FBXO21: variants seen among roughly 807,000 people sequenced by gnomAD.
FBXO21 encodes F-box only protein 21.
A neutral mutation model predicts 76.6 loss-of-function variants in FBXO21; 32 were observed. The observed-to-expected ratio is 0.42, with a 90% CI of 0.32 to 0.56. The LOEUF (loss-of-function observed/expected upper bound fraction) is 0.56, where lower values mean the gene tolerates loss of function less well. FBXO21 is among the 20% of genes least tolerant of loss of function. The probability of loss-of-function intolerance (pLI) is 0.16; values close to 1 mark genes in which losing one functional copy is unlikely to be tolerated. For synonymous variants in FBXO21, 328 were observed against 311.5 expected, an observed-to-expected ratio of 1.05 and a Z score of -0.56; for missense variants, 586 against 797.3, an observed-to-expected ratio of 0.73 and a Z score of 3.19.
At chr12:117,151,108 T>TGTAC (rs1274495525) in intron 11 of FBXO21, among the ~76,000 whole-genome samples, 2 of 152,062 alleles carry the variant, frequency 1.3e-5, no homozygotes, top group African/African-American at 4.8e-5. Flanking sequence ...TGCCAAGCAT[T>TGTAC]GTACAGGTGC....
At chr12:117,176,904 A>T (rs1431637147) in intron 4 of FBXO21, among the ~76,000 whole-genome samples, 1 of 152,216 alleles carries the variant, frequency 6.6e-6, no homozygotes, top group East Asian at 1.9e-4. Context: ...GACCAGTCAT[A>T]TTTGTATTTC....
intron 11 of FBXO21, among the ~76,000 whole-genome samples, chr12:117,151,196 A>G (rs946170810): frequency 2.7e-4 from 41 of 152,112 alleles, no homozygotes; most frequent in African/African-American, 8.9e-4. Context: ...ACGGCGGCTG[A>G]CCTAGACTCG....
rs1400320784 is a variant in FBXO21 at position 117,144,239 on chromosome 12, T to C, written c.*1848A>G. The stretch of plus-strand genomic sequence containing the variant: ...CTCAGGTTCTTATTAATGCATCTCA[T>C]TCATATTAATTAATTCCGTATTATC... On this transcript the variant is annotated 3_prime_UTR_variant, in exon 12 of 12. Transcript: ENST00000622495. 2 of 152,220 alleles carry C rather than the reference T, an allele frequency of 1.3e-5. No homozygotes were observed. Among genetic ancestry groups the C allele is most frequent in the Admixed American group, 1.3e-4 (2 of 15,282 alleles). The allele number at this position is 152,220 out of a possible 1,614,324, so 9.4% of individuals were successfully genotyped here.
At chr12:117,183,825 A>C (rs999392790) in intron 3 of FBXO21, among the ~76,000 whole-genome samples, 7 of 152,186 alleles carry the variant, frequency 4.6e-5, no homozygotes, top group African/African-American at 1.7e-4. Flanking sequence ...ATCATTTAAA[A>C]ATTTCAGTTG....
At chr12:117,179,947 G>A (rs924973234) in intron 3 of FBXO21, among the ~76,000 whole-genome samples, 4 of 145,948 alleles carry the variant, frequency 2.7e-5, no homozygotes, top group Non-Finnish European at 6.1e-5. Context: ...TCCTTCAAAG[G>A]TGACCAATTA....
intron 9 of FBXO21, 53 bp from the exon 10 acceptor site, chr12:117,158,116 C>CT (rs750047743): frequency 6.1e-5 from 98 of 1,606,964 alleles, no homozygotes; most frequent in Non-Finnish European, 7.3e-5. Context: ...TAGGCCTTTT[C>CT]TTTTTTGCGG....
rs778761315 is a variant in FBXO21, at chr12:117,174,329, A to G, written c.752T>C (p.Met251Thr). ...GCTCTGGAGTTCTATTTCCATTATC[A>G]TGGATGATTCACCTGAAACACAGAG... ...SLAFKAGESS[M>T]IMEIELQSQV... is the part of the protein sequence containing the mutation. The change falls in exon 6 of 12, where the codon ATG (methionine) becomes ACG (threonine). Residue 251 changes from methionine (M) to threonine (T), a missense_variant. Met to Thr is a moderately conservative substitution (Grantham distance 81). Coordinates refer to ENST00000622495, the MANE Select transcript of FBXO21 (RefSeq NM_015002.3). 7 of 1,613,258 alleles carry G rather than the reference A, an allele frequency of 4.3e-6. No homozygotes were observed. In the South Asian group the frequency reaches 7.7e-5, roughly 18 times the overall value.
chr12:117,170,953 C>T (rs775863576), intron 7 of FBXO21, among the ~76,000 whole-genome samples: 1 of 152,128 alleles, frequency 6.6e-6, no homozygotes, highest in Admixed American at 6.5e-5. Context: ...TGGGTCCCCA[C>T]TATCCAAAAA....
At chr12:117,183,524 G>T (rs1430468575) in intron 3 of FBXO21, among the ~76,000 whole-genome samples, 1 of 152,212 alleles carries the variant, frequency 6.6e-6, no homozygotes, top group Non-Finnish European at 1.5e-5. Flanking sequence ...CTCCCAAAGT[G>T]CTGGGATTAC....
chr12:117,183,219 A>G (rs1352537855), intron 3 of FBXO21, among the ~76,000 whole-genome samples: 6 of 151,834 alleles, frequency 4.0e-5, no homozygotes, highest in Non-Finnish European at 7.4e-5. Context: ...TGGGAACCTG[A>G]TATGTAAAAT....
At chr12:117,189,484 G>T in intron 1 of FBXO21, 122 bp from the exon 2 acceptor site, 1 of 994,674 alleles carries the variant, frequency 1.0e-6, no homozygotes, top group Non-Finnish European at 1.5e-6. Context: ...ACCCCGGCGA[G>T]AGACCTAGTT....
At chr12:117,185,427 T>A (rs528224063) in intron 3 of FBXO21, among the ~76,000 whole-genome samples, 6 of 152,240 alleles carry the variant, frequency 3.9e-5, no homozygotes, top group Admixed American at 3.9e-4. Context: ...TTAAGGAAGA[T>A]GTTAAACTAA....
chr12:117,158,352 CT>C (rs995581709), intron 9 of FBXO21, among the ~76,000 whole-genome samples: 1 of 152,110 alleles, frequency 6.6e-6, no homozygotes, highest in African/African-American at 2.4e-5. Flanking sequence ...AACCAGTGTG[CT>C]GGGATAAGCG....
chr12:117,172,728 G>T, intron 6 of FBXO21, 121 bp from the exon 7 acceptor site: 1 of 1,032,130 alleles, frequency 9.7e-7, no homozygotes, highest in Non-Finnish European at 1.4e-6. Flanking sequence ...TGAGGCTTAA[G>T]TGAGTATTTC....
At chr12:117,186,187 A>G (rs1956282258) in intron 3 of FBXO21, among the ~76,000 whole-genome samples, 1 of 152,134 alleles carries the variant, frequency 6.6e-6, no homozygotes. Context: ...TATTACCAAA[A>G]GGTTTCTAAA....
intron 11 of FBXO21, among the ~76,000 whole-genome samples, chr12:117,148,129 A>G (rs2135842725): frequency 6.6e-6 from 1 of 151,182 alleles, no homozygotes; most frequent in Admixed American, 6.6e-5. Context: ...CTTTGGGGAG[A>G]GGGGGAAGGA....
rs1333533165 is a variant in FBXO21, at chr12:117,145,537, T to C, written c.*550A>G. 6.6e-6 allele frequency: 1 copy of C among 152,210 alleles called. No homozygotes were observed. Among genetic ancestry groups the C allele is most frequent in the Non-Finnish European group, 1.5e-5 (1 of 68,048 alleles). The allele number at this position is 152,210 out of a possible 1,614,324, so 9.4% of individuals were successfully genotyped here. On this transcript the variant is annotated 3_prime_UTR_variant, in exon 12 of 12. Coordinates refer to ENST00000622495, the MANE Select transcript of FBXO21 (RefSeq NM_015002.3). ...AAATTCAAATGATTCTAATTACCAT[T>C]AGCTTGTTAATGTCTCCATCTCTAA...
At chr12:117,167,175 T>C in intron 7 of FBXO21, 98 bp from the exon 8 acceptor site, 1 of 885,546 alleles carries the variant, frequency 1.1e-6, no homozygotes. Context: ...GTTGAGACCA[T>C]AACATTTCTA....
chr12:117,147,597 CAAA>C (rs57318190), intron 11 of FBXO21, among the ~76,000 whole-genome samples: 18,957 of 86,656 alleles, frequency 0.22, 1,448 homozygotes, highest in East Asian at 0.45. Context: ...GACTCCATCT[CAAA>C]AAAAAAAAAA....
Sources: gnomAD v4.1 joint callset for allele counts (sites outside exome capture counted in the v4.1 genomes callset) on GRCh38, gnomAD v4.1.1 for gene constraint, MANE v1.5 for transcripts, NCBI Gene and HGNC (gene_info 2026-07-23, HGNC 2026-07-21) for gene names.